The following ABHD2 variants were observed in gnomAD, a reference collection of about 807,000 sequenced individuals.
ABHD2 encodes the protein monoacylglycerol lipase ABHD2.
ABHD2 carries 20 observed loss-of-function variants against 48.1 expected under a neutral mutation model. The ratio of observed to expected loss-of-function variants is 0.42; its 90% CI spans 0.29 to 0.60. The LOEUF is 0.60. Among genes scored for constraint, ABHD2 ranks in the 20% least tolerant of loss-of-function variants. The probability of loss-of-function intolerance (pLI) is 0.24; values close to 1 mark genes in which losing one functional copy is unlikely to be tolerated. For synonymous variants in ABHD2, 209 were observed against 214.2 expected, an observed-to-expected ratio of 0.98 and a Z score of 0.21; for missense variants, 405 against 550.9, an observed-to-expected ratio of 0.74 and a Z score of 2.65.
At chr15:89,156,729 A>AT (rs1343854221) in intron 5 of ABHD2, among the ~76,000 whole-genome samples, 1 of 151,904 alleles carries the variant, frequency 6.6e-6, no homozygotes, top group Non-Finnish European at 1.5e-5. Context: ...CTGAAAAAAA[A>AT]AAAAAATCCT....
At chr15:89,069,229 G>A in the ABHD2 span, among the ~76,000 whole-genome samples, 4 of 149,832 alleles carry the variant, frequency 2.7e-5, no homozygotes, top group African/African-American at 9.9e-5. Context: ...GGGCTCACAA[G>A]CAATCCTCCT....
chr15:89,202,137 T>C lies in ABHD2; in HGVS notation c.*6714T>C, dbSNP rs2051472109. The C allele has an allele frequency of 5.6e-6, 1 of 177,188 alleles. No homozygotes were observed. The highest frequency in any genetic ancestry group is 1.2e-5 in the Non-Finnish European group (1 of 84,614). 11.0% of individuals were successfully genotyped at this position (177,188 alleles called of 1,614,324 possible). On this transcript the variant is annotated 3_prime_UTR_variant, in exon 11 of 11. Transcript: ENST00000352732. ...CCTTCAGCACTGAGGTGTTTAAGATTTGCAACTAGCAATGCAATTTTTTCT... is the reference window on the plus strand; with the variant it reads ...CCTTCAGCACTGAGGTGTTTAAGATCTGCAACTAGCAATGCAATTTTTTCT...
the ABHD2 span, among the ~76,000 whole-genome samples, chr15:89,071,500 G>GA: frequency 6.6e-6 from 1 of 152,158 alleles, no homozygotes; most frequent in African/African-American, 2.4e-5. Context: ...GACTGGACAG[G>GA]AAAAACGCAA....
chr15:89,097,736 T>A lies in ABHD2; in HGVS notation c.-107+9173T>A, dbSNP rs2049635392. Among the ~76,000 whole-genome samples the A allele has an allele frequency of 6.6e-6, 1 of 152,198 alleles. No homozygotes were observed. Among genetic ancestry groups the A allele is most frequent in the African/African-American group, 2.4e-5 (1 of 41,454 alleles). ...GAAGCACTCAATGTTACTAGTATCT[T>A]GTATATTTTTTCAGAGATCTTTTAT... On this transcript the variant is annotated intron_variant, in intron 1 of 10. Coordinates refer to ENST00000352732, the MANE Select transcript of ABHD2 (RefSeq NM_152924.5). This position sits in a 1 kb window ranked among gnomAD's most constrained non-coding sequence, Gnocchi z 4.2.
rs1283136741 is a variant in ABHD2, at chr15:89,137,265, C to G, written c.195-14412C>G. The stretch of plus-strand genomic sequence containing the variant: ...TTTGGTGTGCCTAGGGAGGATGTGA[C>G]CAGTTCCGCGTGCTGTTTGTGAACA... On this transcript the variant is annotated intron_variant, in intron 3 of 10. Transcript: ENST00000352732. This position sits in a 1 kb window ranked among gnomAD's most constrained non-coding sequence, Gnocchi z 4.8. Among the ~76,000 whole-genome samples the G allele has an allele frequency of 2.0e-5, 3 of 152,124 alleles. No homozygotes were observed. The highest frequency in any genetic ancestry group is 7.2e-5 in the African/African-American group (3 of 41,402).
At chr15:89,044,267 T>G in the ABHD2 span, among the ~76,000 whole-genome samples, 2 of 152,170 alleles carry the variant, frequency 1.3e-5, no homozygotes, top group Non-Finnish European at 2.9e-5. Flanking sequence ...TATTCCATGG[T>G]GTATATGTGC....
At chr15:89,110,313 C>A (rs936056712) in intron 1 of ABHD2, among the ~76,000 whole-genome samples, 1 of 152,136 alleles carries the variant, frequency 6.6e-6, no homozygotes, top group Non-Finnish European at 1.5e-5. Context: ...CCGCCCGCCT[C>A]GGCCTGCAAA....
At position 89,116,419 on chromosome 15, in the gene ABHD2, G is replaced by A. The variant is rs754306329; in HGVS notation, c.92G>A (p.Arg31Gln). Residue 31 changes from arginine (R) to glutamine (Q), a missense_variant, in exon 3 of 11, where the codon CGG (arginine) becomes CAG (glutamine). By Grantham distance (43) the Arg-to-Gln change is conservative. Transcript: ENST00000352732. This position sits in a 1 kb window ranked among gnomAD's most constrained non-coding sequence, Gnocchi z 4.6. ...GCTGCTGTGCTGTACGTGATCGTCCGGTGTTTGAACCTGAAGAGCCCCACA... is the reference window on the plus strand; with the variant it reads ...GCTGCTGTGCTGTACGTGATCGTCCAGTGTTTGAACCTGAAGAGCCCCACA... Reference protein sequence around the residue: ...AVAAVLYVIVRCLNLKSPTAP... With the variant: ...AVAAVLYVIVQCLNLKSPTAP... The A allele has an allele frequency of 1.9e-6, 3 of 1,614,170 alleles. No individual in the cohort carries two copies. The highest frequency in any genetic ancestry group is 2.5e-6 in the Non-Finnish European group (3 of 1,180,034).
chr15:89,063,287 T>C, the ABHD2 span, among the ~76,000 whole-genome samples: 1 of 151,418 alleles, frequency 6.6e-6, no homozygotes, highest in Non-Finnish European at 1.5e-5. Context: ...TGCTTCTTGA[T>C]AGAGTATGGA....
rs114010448 is a variant in ABHD2 at position 89,146,731 on chromosome 15, C to A, written c.195-4946C>A. The stretch of plus-strand genomic sequence containing the variant: ...ACAGACAGAAAGACATGCAAATTAG[C>A]GTAGTAAAAATGGAATATTCTGTAA... On this transcript the variant is annotated intron_variant, in intron 3 of 10. Transcript: ENST00000352732. The surrounding 1 kb of genome is among the most constrained non-coding windows in gnomAD (Gnocchi z 4.2). Among the ~76,000 whole-genome samples the A allele has an allele frequency of 0.026, 3,881 of 151,986 alleles. 174 individuals carry two copies. Among genetic ancestry groups the A allele is most frequent in the African/African-American group, 0.088 (3,658 of 41,422 alleles).
the ABHD2 span, among the ~76,000 whole-genome samples, chr15:89,048,803 A>T: frequency 6.6e-6 from 1 of 151,368 alleles, no homozygotes; most frequent in African/African-American, 2.4e-5. Flanking sequence ...ATTCTTCTAA[A>T]TTTTTTTCAA....
the ABHD2 span, among the ~76,000 whole-genome samples, chr15:89,072,057 C>G: frequency 6.6e-6 from 1 of 152,212 alleles, no homozygotes; most frequent in Non-Finnish European, 1.5e-5. Context: ...AGAGTCATGT[C>G]ACACTTTTAT....
In ABHD2 at chr15:89,186,001, A is replaced by T. The variant is rs1245651438; in HGVS notation, c.815+485A>T. ...AAAAGAAACCTGTCCCAAGCTACTGAATTTGCCAAATTGCCTTATGCTTTT... is the reference window on the plus strand; with the variant it reads ...AAAAGAAACCTGTCCCAAGCTACTGTATTTGCCAAATTGCCTTATGCTTTT... On this transcript the variant is annotated intron_variant, in intron 7 of 10. Coordinates refer to ENST00000352732, the MANE Select transcript of ABHD2 (RefSeq NM_152924.5). The surrounding 1 kb of genome is among the most constrained non-coding windows in gnomAD (Gnocchi z 4.3). Among the ~76,000 whole-genome samples the T allele has an allele frequency of 6.6e-6, 1 of 152,204 alleles. No individual in the cohort carries two copies. Among genetic ancestry groups the T allele is most frequent in the Admixed American group, 6.5e-5 (1 of 15,278 alleles).
At position 89,091,859 on chromosome 15, in the gene ABHD2, G is replaced by C. The variant is rs1901609695; in HGVS notation, c.-107+3296G>C. On this transcript the variant is annotated intron_variant, in intron 1 of 10. Coordinates refer to ENST00000352732, the MANE Select transcript of ABHD2 (RefSeq NM_152924.5). This position sits in a 1 kb window ranked among gnomAD's most constrained non-coding sequence, Gnocchi z 5.5. ...GGGCATGAGTTGCTTTAGCCTTTCT[G>C]TTTCATCTTGGGCTAAGCTATCCCC... 6.6e-6 allele frequency among the ~76,000 whole-genome samples: 1 copy of C among 152,202 alleles called. No individual in the cohort carries two copies. The highest frequency in any genetic ancestry group is 1.5e-5 in the Non-Finnish European group (1 of 68,024).
intron 10 of ABHD2, 156 bp downstream of exon 10, chr15:89,193,475 C>A: frequency 1.5e-6 from 1 of 656,688 alleles, no homozygotes; most frequent in South Asian, 1.8e-5. Context: ...CCTGATAGTC[C>A]TCGGGCTGTG....
the ABHD2 span, among the ~76,000 whole-genome samples, chr15:89,048,189 T>C: frequency 7.9e-5 from 12 of 150,984 alleles, no homozygotes; most frequent in Non-Finnish European, 1.6e-4. Flanking sequence ...AAATTCTGGG[T>C]TGAAAATTCT....
At chr15:89,141,502 G>A (rs1030825247) in intron 3 of ABHD2, among the ~76,000 whole-genome samples, 2 of 152,164 alleles carry the variant, frequency 1.3e-5, no homozygotes, top group African/African-American at 4.8e-5. Context: ...GCATGGTGGC[G>A]TGCGCCTGTA....
chr15:89,060,628 C>T, the ABHD2 span, among the ~76,000 whole-genome samples: 700 of 151,828 alleles, frequency 4.6e-3, 27 homozygotes, highest in Admixed American at 0.039. Context: ...AGACTAAAGC[C>T]CCAAGTCCAG....
the ABHD2 span, among the ~76,000 whole-genome samples, chr15:89,044,039 G>C: frequency 1.3e-5 from 2 of 152,050 alleles, no homozygotes; most frequent in Admixed American, 1.3e-4. Flanking sequence ...ATCTCCCAAT[G>C]CTATCCCTCC....
Sources: allele counts gnomAD v4.1 joint callset (sites outside exome capture counted in the v4.1 genomes callset), GRCh38; gene constraint gnomAD v4.1.1; non-coding constraint Gnocchi (gnomAD v3.1); transcripts MANE v1.5; gene names NCBI Gene and HGNC (gene_info 2026-07-23, HGNC 2026-07-21).